KCTD3: variants seen among roughly 807,000 people sequenced by gnomAD.
KCTD3 encodes BTB/POZ domain-containing protein KCTD3.
Under a neutral mutation model 85.8 loss-of-function variants are expected in KCTD3, and 41 were observed. The observed-to-expected ratio is 0.48, with a 90% CI of 0.37 to 0.62. The LOEUF is 0.62. Ranked by LOEUF, KCTD3 falls within the 20% of genes least tolerant of loss-of-function variation. The pLI, the probability that KCTD3 is intolerant of heterozygous loss-of-function variation, is 0.00. For missense variants in KCTD3, 724 were observed against 989.9 expected, an observed-to-expected ratio of 0.73 and a Z score of 3.60; for synonymous variants, 338 against 345.4, an observed-to-expected ratio of 0.98 and a Z score of 0.24.
chr1:215,607,873 A>T, intron 13 of KCTD3, 144 bp from the exon 14 acceptor site: 1 of 519,216 alleles, frequency 1.9e-6, no homozygotes, highest in Non-Finnish European at 3.1e-6. Context: ...TTTGTTAAGT[A>T]GTCACAAATC....
rs1383582258 is a variant in KCTD3, at chr1:215,620,713, A to C, written c.*95A>C. 7 of 826,214 alleles carry C rather than the reference A, an allele frequency of 8.5e-6. No individual in the cohort carries two copies. In the East Asian group the frequency reaches 1.9e-4, roughly 22 times the overall value. The allele number at this position is 826,214 out of a possible 1,614,324, so 51.2% of individuals were successfully genotyped here. A position where few individuals can be genotyped will look rare whatever the true frequency, so the allele number is the denominator to read the frequency against. ...ATTAGTTTTTACACTAAAACTTTAC[A>C]AGATAAAATTGGACTTCATTTAGTA... On this transcript the variant is annotated 3_prime_UTR_variant, in exon 18 of 18. Transcript: ENST00000259154.
At chr1:215,611,285 A>G (rs1655228265) in intron 14 of KCTD3, among the ~76,000 whole-genome samples, 1 of 151,938 alleles carries the variant, frequency 6.6e-6, no homozygotes, top group Non-Finnish European at 1.5e-5. Context: ...CTCTTGGTTT[A>G]CCAATTACCT....
chr1:215,602,578 G>A (rs1043461760), intron 12 of KCTD3, among the ~76,000 whole-genome samples: 1 of 151,856 alleles, frequency 6.6e-6, no homozygotes, highest in East Asian at 1.9e-4. Flanking sequence ...TTAGACTACT[G>A]CTGGAAACTA....
At position 215,577,967 on chromosome 1, in the gene KCTD3, T is replaced by C. The variant is rs199535715; in HGVS notation, c.317-34T>C. On this transcript the variant is annotated intron_variant, in intron 5 of 17. Coordinates refer to ENST00000259154, the MANE Select transcript of KCTD3 (RefSeq NM_016121.5). ...GGAGTACTGTTTTTCTGTTTGCATG[T>C]ACTCTTGACAAGTTTGCTTTGAAAT... 6.9e-6 allele frequency: 11 copies of C among 1,598,642 alleles called. No homozygotes were observed. In the African/African-American group the frequency reaches 8.1e-5, roughly 12 times the overall value.
At chr1:215,615,858 C>T (rs1421114053) in intron 15 of KCTD3, among the ~76,000 whole-genome samples, 1 of 152,062 alleles carries the variant, frequency 6.6e-6, no homozygotes. Context: ...GCAGGGACAG[C>T]CATGTAGAAC....
chr1:215,618,887 A>C lies in KCTD3; in HGVS notation c.1564A>C (p.Ile522Leu). ...FVRLSSTGKR[I>L]CEIQAVDCTT... Reference sequence around the variant, plus strand: ...GCTCTTTCTGCTTTTCTTTTGCAGAATATGTGAGATCCAGGCTGTTGACTG... The same window carrying C: ...GCTCTTTCTGCTTTTCTTTTGCAGACTATGTGAGATCCAGGCTGTTGACTG... The change falls in exon 16 of 18, where the codon ATA becomes CTA. Residue 522 changes from isoleucine to leucine, a missense_variant and splice_region_variant. By Grantham distance (5) the Ile-to-Leu change is conservative. This residue lies in a region of KCTD3 where 136 missense variants were observed against 197.6 expected (regional missense o/e 0.69). Transcript: ENST00000259154. The C allele has an allele frequency of 6.3e-7, 1 of 1,590,696 alleles. No individual in the cohort carries two copies. The highest frequency in any genetic ancestry group is 8.5e-7 in the Non-Finnish European group (1 of 1,174,046).
intron 3 of KCTD3, among the ~76,000 whole-genome samples, chr1:215,575,317 CTT>C (rs1185703242): frequency 1.3e-5 from 2 of 151,882 alleles, no homozygotes; most frequent in Non-Finnish European, 2.9e-5. Flanking sequence ...TTGTTTTCCT[CTT>C]ATGTATTCTG....
chr1:215,586,535 C>G lies in KCTD3; in HGVS notation c.667C>G (p.Pro223Ala). The G allele has an allele frequency of 6.2e-7, 1 of 1,613,652 alleles. No individual in the cohort carries two copies. The highest frequency in any genetic ancestry group is 8.5e-7 in the Non-Finnish European group (1 of 1,179,814). ...AGGATGGCAGCAAGTGTTTACGAGC[C>G]CATATTTGGATTGGACTATCGAACG... ...SSGWQQVFTS[P>A]YLDWTIERVA... The change falls in exon 9 of 18, where the codon CCA becomes GCA. Residue 223 changes from proline (P) to alanine (A), a missense_variant. Physicochemically the swap from Pro to Ala is conservative, Grantham distance 27 (BLOSUM62 -1). Around this residue, in one of 6 missense-constraint regions of KCTD3, gnomAD observed 146 missense variants for 320.3 expected, o/e 0.46. Coordinates refer to ENST00000259154, the MANE Select transcript of KCTD3 (RefSeq NM_016121.5).
At chr1:215,581,199 G>A (rs939444314) in intron 8 of KCTD3, 1 of 209,302 alleles carries the variant, frequency 4.8e-6, no homozygotes, top group African/African-American at 2.4e-5. Flanking sequence ...TGAGCTGATA[G>A]CTCACCATTG....
At chr1:215,581,708 T>C (rs1659831751) in intron 8 of KCTD3, among the ~76,000 whole-genome samples, 1 of 152,252 alleles carries the variant, frequency 6.6e-6, no homozygotes, top group African/African-American at 2.4e-5. Context: ...TTTCACCAAG[T>C]GTCTGACATT....
At chr1:215,579,814 A>G (rs544233096) in intron 7 of KCTD3, 95 bp from the exon 8 acceptor site, 41 of 836,324 alleles carry the variant, frequency 4.9e-5, no homozygotes, top group Non-Finnish European at 8.0e-5. Context: ...AAAACTATTA[A>G]CCAAAACAGG....
Position 215,602,210 on chromosome 1 carries a change from A to C in KCTD3, c.1138+9A>C, listed in dbSNP as rs773642109. 1 of 1,287,820 alleles carries C rather than the reference A, an allele frequency of 7.8e-7. No individual in the cohort carries two copies. The highest frequency in any genetic ancestry group is 1.1e-6 in the Non-Finnish European group (1 of 898,680). 79.8% of individuals were successfully genotyped at this position (1,287,820 alleles called of 1,614,324 possible). ...CCTCACACCCAAAACAAGTTAGTAC[A>C]TGGCCAATTATATACATTCTTGACT... On this transcript the variant is annotated intron_variant, in intron 12 of 17. Transcript: ENST00000259154.
At chr1:215,591,326 C>G (rs1660203647) in intron 9 of KCTD3, among the ~76,000 whole-genome samples, 1 of 148,768 alleles carries the variant, frequency 6.7e-6, no homozygotes, top group East Asian at 2.0e-4. Context: ...TTCCTTCCTT[C>G]CTTCCTTCCT....
At chr1:215,587,989 G>A (rs373747139) in intron 9 of KCTD3, among the ~76,000 whole-genome samples, 6 of 152,140 alleles carry the variant, frequency 3.9e-5, no homozygotes, top group Non-Finnish European at 7.4e-5. Flanking sequence ...TGCTGACTAC[G>A]TGTGAGGGAG....
chr1:215,579,047 A>G lies in KCTD3; in HGVS notation c.445A>G (p.Arg149Gly), dbSNP rs2102559826. The change falls in exon 7 of 18, where the codon AGG becomes GGG. Residue 149 changes from arginine to glycine, a missense_variant. Arg to Gly is a moderately radical substitution (Grantham distance 125). Coordinates refer to ENST00000259154, the MANE Select transcript of KCTD3 (RefSeq NM_016121.5). ...CAACACAGTCAGATCTGCTGATTCT[A>G]GGAATGGTCTAAATTCTACAGAAGG... ...INNTVRSADS[R>G]NGLNSTEGEA... is the part of the protein sequence containing the mutation. 6.3e-7 allele frequency: 1 copy of G among 1,582,818 alleles called. No individual in the cohort carries two copies. Among genetic ancestry groups the G allele is most frequent in the Non-Finnish European group, 8.6e-7 (1 of 1,168,516 alleles).
At chr1:215,600,704 A>G (rs1654797233) in intron 10 of KCTD3, among the ~76,000 whole-genome samples, 3 of 152,234 alleles carry the variant, frequency 2.0e-5, no homozygotes, top group Non-Finnish European at 4.4e-5. Flanking sequence ...TAACTTTTCA[A>G]ATGAAAGCCA....
intron 15 of KCTD3, among the ~76,000 whole-genome samples, chr1:215,615,013 T>A (rs1413058860): frequency 2.0e-5 from 3 of 152,198 alleles, no homozygotes; most frequent in African/African-American, 7.2e-5. Flanking sequence ...TAATATCCCC[T>A]CTTCTGTTAT....
intron 13 of KCTD3, among the ~76,000 whole-genome samples, chr1:215,605,781 A>G (rs764313873): frequency 6.6e-6 from 1 of 152,106 alleles, no homozygotes; most frequent in Non-Finnish European, 1.5e-5. Context: ...CCCACATAGT[A>G]CAATTCATCA....
Position 215,620,048 on chromosome 1 carries a change from G to GT in KCTD3, c.1887-8dup. 6.4e-7 allele frequency: 1 copy of GT among 1,554,726 alleles called. No individual in the cohort carries two copies. Among genetic ancestry groups the GT allele is most frequent in the African/African-American group, 1.4e-5 (1 of 72,316 alleles). On this transcript the variant is annotated splice_polypyrimidine_tract_variant and intron_variant, in intron 17 of 17. Coordinates refer to ENST00000259154, the MANE Select transcript of KCTD3 (RefSeq NM_016121.5). ...ATCTGAACTGTCATTTTTAAAAACT[G>GT]TATTTCAGCCTTCAGCTTCAGCACC...
Sources: gnomAD v4.1 joint callset for allele counts (sites outside exome capture counted in the v4.1 genomes callset) on GRCh38, gnomAD v4.1.1 for gene constraint, gnomAD v4.1.1 regional missense constraint, MANE v1.5 for transcripts, NCBI Gene and HGNC (gene_info 2026-07-23, HGNC 2026-07-21) for gene names.